The following CCDC85A variants were observed in gnomAD, a reference collection of about 807,000 sequenced individuals.
The protein encoded by CCDC85A is coiled-coil domain containing 85A, also known as coiled-coil domain-containing protein 85A.
CCDC85A carries 38 observed loss-of-function variants against 50.2 expected under a neutral mutation model. The ratio of observed to expected loss-of-function variants is 0.76; its 90% CI spans 0.58 to 0.99. CCDC85A has a LOEUF of 0.99. Among genes scored for constraint, CCDC85A ranks in the 50% least tolerant of loss-of-function variants. The pLI is 0.00. For synonymous variants in CCDC85A, 366 were observed against 301.4 expected (o/e 1.21, Z -2.22); for missense variants, 820 against 742.0 (o/e 1.11, Z -1.22).
chr2:56,297,650 C>T (rs767955674), intron 2 of CCDC85A, among the ~76,000 whole-genome samples: 25 of 152,096 alleles, frequency 1.6e-4, no homozygotes, highest in Non-Finnish European at 2.8e-4. Context: ...CAGGGGAAAG[C>T]CTTTTCCTCA....
At chr2:56,361,693 A>G (rs893960093) in intron 3 of CCDC85A, among the ~76,000 whole-genome samples, 2 of 152,188 alleles carry the variant, frequency 1.3e-5, no homozygotes, top group Admixed American at 1.3e-4. Context: ...AGTGGGTAAA[A>G]TGGAGAATAA....
At chr2:56,281,393 A>G (rs1671201430) in intron 2 of CCDC85A, among the ~76,000 whole-genome samples, 1 of 152,156 alleles carries the variant, frequency 6.6e-6, no homozygotes, top group Non-Finnish European at 1.5e-5. Flanking sequence ...TGGACATACA[A>G]GTCTTTTTGT....
At chr2:56,239,229 G>A (rs932590684) in intron 2 of CCDC85A, among the ~76,000 whole-genome samples, 1 of 152,008 alleles carries the variant, frequency 6.6e-6, no homozygotes, top group African/African-American at 2.4e-5. Context: ...GTTTGGGTCA[G>A]AAAAAGAAAT....
At chr2:56,329,943 C>CTTTTTTTTTTTTTTTTTTTTTTT (rs1336192523) in intron 2 of CCDC85A, among the ~76,000 whole-genome samples, 1 of 22,874 alleles carries the variant, frequency 4.4e-5, no homozygotes. Flanking sequence ...TACAGATTTC[C>CTTTTTTTTTTTTTTTTTTTTTTT]TGTTTTTTTT....
At chr2:56,242,827 G>T (rs1284288982) in intron 2 of CCDC85A, among the ~76,000 whole-genome samples, 2 of 152,066 alleles carry the variant, frequency 1.3e-5, no homozygotes, top group Non-Finnish European at 2.9e-5. Context: ...TATTTGTCAA[G>T]AAATTTTTGC....
chr2:56,222,444 C>T (rs907685223), intron 2 of CCDC85A, among the ~76,000 whole-genome samples: 1 of 152,012 alleles, frequency 6.6e-6, no homozygotes, highest in African/African-American at 2.4e-5. Context: ...ATCTGAAATA[C>T]AAAAGCTTCC....
At chr2:56,190,872 G>A (rs1440690912) in intron 1 of CCDC85A, among the ~76,000 whole-genome samples, 1 of 152,092 alleles carries the variant, frequency 6.6e-6, no homozygotes, top group Admixed American at 6.5e-5. Flanking sequence ...ACACAACTAT[G>A]GAGATTCTTT....
rs773078371 is a variant in CCDC85A at position 56,189,295 on chromosome 2, G to GTATTTTTTTTTTTTTTTTTTTTTTTTT, written c.277-3181_277-3180insATTTTTTTTTTTTTTTTTTTTTTTTTT. On this transcript the variant is annotated intron_variant, in intron 1 of 5. Transcript: ENST00000407595. The stretch of plus-strand genomic sequence containing the variant: ...GCAAAACATGCACGGGGTATTTTTG[G>GTATTTTTTTTTTTTTTTTTTTTTTTTT]TGTTTTTTTTTTTTTTTGAGACAAG... 4.3e-4 allele frequency among the ~76,000 whole-genome samples: 43 copies of GTATTTTTTTTTTTTTTTTTTTTTTTTT among 100,436 alleles called. 2 individuals are homozygous for GTATTTTTTTTTTTTTTTTTTTTTTTTT. Among genetic ancestry groups the GTATTTTTTTTTTTTTTTTTTTTTTTTT allele is most frequent in the African/African-American group, 1.8e-3 (40 of 22,400 alleles). The allele number at this position is 100,436 out of a possible 152,430, so 65.9% of individuals were successfully genotyped here.
rs1232752859 is a variant in CCDC85A at position 56,212,767 on chromosome 2, A to C, written c.1240+19327A>C. ...CTATCAGAAATCACCTGGTATAGTG[A>C]GAGAGACATGAGCTTTGGAGCCACG... On this transcript the variant is annotated intron_variant, in intron 2 of 5. Transcript: ENST00000407595. 2.0e-5 allele frequency among the ~76,000 whole-genome samples: 3 copies of C among 151,936 alleles called. No homozygotes were observed. The East Asian group carries it at 5.8e-4, about 29-fold the overall frequency.
At chr2:56,228,279 T>C (rs920179695) in intron 2 of CCDC85A, among the ~76,000 whole-genome samples, 1 of 151,912 alleles carries the variant, frequency 6.6e-6, no homozygotes, top group Non-Finnish European at 1.5e-5. Flanking sequence ...TGTATACATA[T>C]GTAACAAACC....
intron 3 of CCDC85A, among the ~76,000 whole-genome samples, chr2:56,365,898 A>G (rs993731359): frequency 2.0e-5 from 3 of 152,158 alleles, no homozygotes; most frequent in African/African-American, 7.2e-5. Flanking sequence ...CCTTTGACAG[A>G]CATTTCCTTC....
chr2:56,314,421 A>G (rs893451745), intron 2 of CCDC85A, among the ~76,000 whole-genome samples: 1 of 151,660 alleles, frequency 6.6e-6, no homozygotes, highest in Non-Finnish European at 1.5e-5. Flanking sequence ...GGGTGGGTTG[A>G]TGTGTATTTT....
chr2:56,302,984 A>G (rs1672276656), intron 2 of CCDC85A, among the ~76,000 whole-genome samples: 1 of 152,136 alleles, frequency 6.6e-6, no homozygotes. Context: ...TGGTGTGCTC[A>G]GTGTCATGCC....
rs144010682 is a variant in CCDC85A, at chr2:56,383,993, G to A, written c.1573-273G>A. ...GTGCTTAGTGTGCAGTCAGAGTTGG[G>A]GACCACTTACGTAACTACAGTAAGT... On this transcript the variant is annotated intron_variant, in intron 5 of 5. Transcript: ENST00000407595. Among the ~76,000 whole-genome samples the A allele has an allele frequency of 2.8e-3, 429 of 151,808 alleles. 1 individual carries two copies. Among genetic ancestry groups the A allele is most frequent in the African/African-American group, 0.01 (418 of 41,442 alleles).
chr2:56,242,683 GT>G lies in CCDC85A; in HGVS notation c.1240+49246del, dbSNP rs1477777191. Among the ~76,000 whole-genome samples, 3 of 152,116 alleles carry G rather than the reference GT, an allele frequency of 2.0e-5. No homozygotes were observed. In the South Asian group the frequency reaches 6.2e-4, roughly 31 times the overall value. ...ATATCCAAACTATATCGGGTAGGTA[GT>G]TTGCAAATATTTTCTCCCATTCTAC... On this transcript the variant is annotated intron_variant, in intron 2 of 5. Transcript: ENST00000407595.
At chr2:56,324,085 C>T (rs1250394159) in intron 2 of CCDC85A, among the ~76,000 whole-genome samples, 1 of 152,068 alleles carries the variant, frequency 6.6e-6, no homozygotes, top group East Asian at 1.9e-4. Context: ...TTGGGTACTT[C>T]TTAAGGACAA....
intron 1 of CCDC85A, among the ~76,000 whole-genome samples, chr2:56,189,672 A>ATG (rs1676215519): frequency 6.6e-6 from 1 of 152,154 alleles, no homozygotes; most frequent in Non-Finnish European, 1.5e-5. Flanking sequence ...GGTTTTGGGT[A>ATG]TGATTAATCC....
At chr2:56,290,639 CT>C (rs1671660524) in intron 2 of CCDC85A, among the ~76,000 whole-genome samples, 1 of 152,258 alleles carries the variant, frequency 6.6e-6, no homozygotes, top group South Asian at 2.1e-4. Flanking sequence ...ATCAAAACCC[CT>C]GGTCTATAGA....
chr2:56,248,839 C>G (rs1461390534), intron 2 of CCDC85A, among the ~76,000 whole-genome samples: 3 of 152,062 alleles, frequency 2.0e-5, no homozygotes, highest in African/African-American at 4.8e-5. Flanking sequence ...AGGTCACTGG[C>G]CAAGGTCATA....
Sources: gnomAD v4.1 joint callset for allele counts (sites outside exome capture counted in the v4.1 genomes callset) on GRCh38, gnomAD v4.1.1 for gene constraint, MANE v1.5 for transcripts, NCBI Gene and HGNC (gene_info 2026-07-23, HGNC 2026-07-21) for gene names.